RBFOX1: variants seen among roughly 807,000 people sequenced by gnomAD.
RBFOX1 encodes RNA binding protein fox-1 homolog 1.
Under a neutral mutation model 57.7 loss-of-function variants are expected in RBFOX1, and 8 were observed. The observed-to-expected ratio is 0.14, with a 90% CI of 0.08 to 0.25. RBFOX1 has a LOEUF of 0.25. Among genes scored for constraint, RBFOX1 ranks in the 10% least tolerant of loss-of-function variants. The pLI is 1.00. For missense variants in RBFOX1, 611 were observed against 548.5 expected (o/e 1.11, Z -1.14); for synonymous variants, 326 against 222.4 (o/e 1.47, Z -4.15).
chr16:7,399,011 A>G (rs57145171), intron 4 of RBFOX1, among the ~76,000 whole-genome samples: 19,530 of 152,206 alleles, frequency 0.13, 1,500 homozygotes, highest in African/African-American at 0.22. Flanking sequence ...AGACACTAGG[A>G]ACTACTTGGG....
intron 1 of RBFOX1, among the ~76,000 whole-genome samples, chr16:6,158,012 C>G (rs1383647218): frequency 6.6e-6 from 1 of 152,100 alleles, no homozygotes; most frequent in Non-Finnish European, 1.5e-5. Flanking sequence ...GTCATGTGAC[C>G]ACATTTGAAG....
intron 4 of RBFOX1, among the ~76,000 whole-genome samples, chr16:7,122,043 G>A (rs150589913): frequency 1.3e-5 from 2 of 152,010 alleles, no homozygotes; most frequent in African/African-American, 4.8e-5. Flanking sequence ...ACGTAGAACT[G>A]TAAAGTTTTA....
intron 3 of RBFOX1, among the ~76,000 whole-genome samples, chr16:5,691,103 T>G (rs2050663506): frequency 6.6e-6 from 1 of 152,236 alleles, no homozygotes; most frequent in Non-Finnish European, 1.5e-5. Context: ...GGCTGTCCAA[T>G]AGGTCTAATT....
intron 4 of RBFOX1, among the ~76,000 whole-genome samples, chr16:7,251,521 C>T (rs1373174161): frequency 6.6e-6 from 1 of 150,422 alleles, no homozygotes; most frequent in Non-Finnish European, 1.5e-5. Context: ...AGTGATTTTC[C>T]TGCCTCAGAC....
At chr16:6,484,206 G>A (rs901717517) in intron 2 of RBFOX1, among the ~76,000 whole-genome samples, 1 of 152,314 alleles carries the variant, frequency 6.6e-6, no homozygotes, top group East Asian at 1.9e-4. Context: ...AGAGATGCGC[G>A]GCTCTGGAAA....
chr16:7,660,135 C>T (rs1446341127), intron 12 of RBFOX1, among the ~76,000 whole-genome samples: 3 of 152,094 alleles, frequency 2.0e-5, no homozygotes, highest in African/African-American at 7.2e-5. Context: ...ATAGTTTGGG[C>T]ATTTTATACT....
chr16:5,689,547 G>T (rs2050605049), intron 3 of RBFOX1, among the ~76,000 whole-genome samples: 1 of 152,096 alleles, frequency 6.6e-6, no homozygotes, highest in Non-Finnish European at 1.5e-5. Context: ...GGTCTTATGT[G>T]GCACACCAGG....
chr16:6,735,265 C>T (rs947074103), intron 3 of RBFOX1, among the ~76,000 whole-genome samples: 1 of 152,166 alleles, frequency 6.6e-6, no homozygotes, highest in South Asian at 2.1e-4. Flanking sequence ...GTTAAGTACA[C>T]TTGCCTCCTA....
chr16:5,472,409 C>A (rs1357759881), intron 2 of RBFOX1, among the ~76,000 whole-genome samples: 1 of 152,196 alleles, frequency 6.6e-6, no homozygotes, highest in African/African-American at 2.4e-5. Flanking sequence ...CAGGGGGGAT[C>A]CTCAGGGTTA....
intron 1 of RBFOX1, among the ~76,000 whole-genome samples, chr16:6,106,458 A>T (rs62014017): frequency 1.5e-5 from 2 of 134,322 alleles, no homozygotes; most frequent in African/African-American, 2.9e-5. Context: ...AAGAGTGAGT[A>T]TCTGTCTCAA....
chr16:7,532,224 C>A (rs74010585), intron 5 of RBFOX1, among the ~76,000 whole-genome samples: 4,751 of 150,352 alleles, frequency 0.032, 215 homozygotes, highest in African/African-American at 0.11. Context: ...CTCTAATTGG[C>A]TTGCAAGTGG....
intron 1 of RBFOX1, among the ~76,000 whole-genome samples, chr16:6,298,071 T>A (rs1345510514): frequency 1.3e-5 from 2 of 152,222 alleles, no homozygotes; most frequent in African/African-American, 4.8e-5. Flanking sequence ...GCTGTGCTTG[T>A]TAACACTTAA....
rs149418149 is a variant in RBFOX1, at chr16:5,878,853, G to A, written c.351+11518G>A. On this transcript the variant is annotated intron_variant, in intron 4 of 19. Coordinates refer to the RBFOX1 transcript ENST00000641259. ...CCATGCAGCCATTTAAAATAGGAGG[G>A]TTGGAACAAAATTGGTAAACTCTTT... is the stretch of plus-strand genomic sequence containing the variant. 2.0e-3 allele frequency among the ~76,000 whole-genome samples: 305 copies of A among 152,276 alleles called. 5 individuals carry two copies. The East Asian group carries it at 0.048, about 24-fold the overall frequency.
intron 4 of RBFOX1, among the ~76,000 whole-genome samples, chr16:7,106,006 T>C (rs1403824418): frequency 6.6e-6 from 1 of 152,182 alleles, no homozygotes; most frequent in Non-Finnish European, 1.5e-5. Context: ...TCCAGGAGGA[T>C]TTCTTACAGC....
chr16:6,838,733 ACATTTGCTTAG>A (rs2141345562), intron 3 of RBFOX1, among the ~76,000 whole-genome samples: 1 of 152,262 alleles, frequency 6.6e-6, no homozygotes, highest in South Asian at 2.1e-4. Context: ...CATCGGTAAT[ACATTTGCTTAG>A]CATCCTCCAG....
At chr16:7,359,996 AAAAC>A (rs1266966914) in intron 4 of RBFOX1, among the ~76,000 whole-genome samples, 14 of 152,134 alleles carry the variant, frequency 9.2e-5, no homozygotes, top group African/African-American at 1.4e-4. Flanking sequence ...AAAAAAACAA[AAAAC>A]AAACAAACAA....
chr16:7,602,410 G>T (rs1407990393), intron 9 of RBFOX1, among the ~76,000 whole-genome samples: 1 of 152,180 alleles, frequency 6.6e-6, no homozygotes, highest in South Asian at 2.1e-4. Context: ...GCTGGGACCA[G>T]TGGGCCTTAT....
intron 5 of RBFOX1, among the ~76,000 whole-genome samples, chr16:7,563,468 T>G (rs2152697478): frequency 1.3e-5 from 2 of 152,322 alleles, no homozygotes; most frequent in Middle Eastern, 3.4e-3. Context: ...ATATACATGT[T>G]TTTTTCTTTT....
chr16:6,581,676 G>A (rs901206496), intron 2 of RBFOX1, among the ~76,000 whole-genome samples: 1 of 152,158 alleles, frequency 6.6e-6, no homozygotes, highest in African/African-American at 2.4e-5. Flanking sequence ...GCTGCTAAGG[G>A]GGCCTCCCTC....
Sources: allele counts gnomAD v4.1 joint callset (sites outside exome capture counted in the v4.1 genomes callset), GRCh38; gene constraint gnomAD v4.1.1; transcripts MANE v1.5; gene names NCBI Gene and HGNC (gene_info 2026-07-23, HGNC 2026-07-21).